The following DOCK3 variants were observed in gnomAD, a reference collection of about 807,000 sequenced individuals.
DOCK3 encodes the protein dedicator of cytokinesis 3.
A neutral mutation model predicts 265.6 loss-of-function variants in DOCK3; 60 were observed. That is an observed-to-expected ratio of 0.23 (90% CI 0.18 to 0.28). The LOEUF (loss-of-function observed/expected upper bound fraction) is 0.28, where lower values mean the gene tolerates loss of function less well. Ranked by LOEUF, DOCK3 falls within the 10% of genes least tolerant of loss-of-function variation. The pLI, the probability that DOCK3 is intolerant of heterozygous loss-of-function variation, is 1.00. For missense variants in DOCK3, 1,981 were observed against 2,594.3 expected, an observed-to-expected ratio of 0.76 and a Z score of 5.14; for synonymous variants, 881 against 938.0, an observed-to-expected ratio of 0.94 and a Z score of 1.11.
At chr3:51,153,768 C>T in intron 10 of DOCK3, among the ~76,000 whole-genome samples, 1 of 152,228 alleles carries the variant, frequency 6.6e-6, no homozygotes, top group East Asian at 1.9e-4. Context: ...TACCAAACCT[C>T]ACAATCCCAC....
intron 1 of DOCK3, among the ~76,000 whole-genome samples, chr3:50,739,514 G>A (rs894160934): frequency 2.0e-5 from 3 of 152,038 alleles, no homozygotes; most frequent in African/African-American, 7.2e-5. Context: ...ATTTGCCTTT[G>A]TTTATGACCT....
intron 3 of DOCK3, among the ~76,000 whole-genome samples, chr3:50,858,758 G>A (rs1315420187): frequency 6.6e-6 from 1 of 152,072 alleles, no homozygotes; most frequent in Non-Finnish European, 1.5e-5. Context: ...CAGGTCGTTT[G>A]CTTTCTCCCC....
chr3:50,884,070 C>T (rs1396811900), intron 3 of DOCK3, among the ~76,000 whole-genome samples: 5 of 151,552 alleles, frequency 3.3e-5, no homozygotes, highest in Non-Finnish European at 2.9e-5. Context: ...AATAAGATTT[C>T]ACTGCAAGTA....
rs137884139 is a variant in DOCK3, at chr3:51,221,384, C to G, written c.1253-4265C>G. Among the ~76,000 whole-genome samples the G allele has an allele frequency of 1.6e-3, 248 of 152,306 alleles. 1 individual carries two copies. Among genetic ancestry groups the G allele is most frequent in the Admixed American group, 6.5e-3 (100 of 15,298 alleles). On this transcript the variant is annotated intron_variant, in intron 14 of 52. Coordinates refer to ENST00000266037, the MANE Select transcript of DOCK3 (RefSeq NM_004947.5). ...GTAAACTATAGCCTATGGGCCAAATCCAGCCAACAGCCTATTTTTGTACTT... is the reference window on the plus strand; with the variant it reads ...GTAAACTATAGCCTATGGGCCAAATGCAGCCAACAGCCTATTTTTGTACTT...
At chr3:51,267,117 G>T (rs531179094) in intron 23 of DOCK3, among the ~76,000 whole-genome samples, 1 of 152,172 alleles carries the variant, frequency 6.6e-6, no homozygotes, top group Non-Finnish European at 1.5e-5. Flanking sequence ...ACCACAATGA[G>T]ATACCATCTC....
rs192053058 is a variant in DOCK3 at position 50,960,459 on chromosome 3, C to T, written c.315+26382C>T. 8.6e-3 allele frequency among the ~76,000 whole-genome samples: 1,312 copies of T among 152,118 alleles called. 7 individuals carry two copies. The highest frequency in any genetic ancestry group is 0.014 in the Non-Finnish European group (961 of 67,952). ...TTTTCTAATGGCTGATGATTTTCAG[C>T]ATCTTGTCAGTAGTTTATTGGCCAT... On this transcript the variant is annotated intron_variant, in intron 5 of 52. Transcript: ENST00000266037.
chr3:50,820,030 G>T (rs547342489), intron 2 of DOCK3, among the ~76,000 whole-genome samples: 1 of 152,168 alleles, frequency 6.6e-6, no homozygotes, highest in East Asian at 1.9e-4. Context: ...TGTCTGAAAG[G>T]GGGAGAAAGC....
rs367563039 is a variant in DOCK3 at position 50,783,327 on chromosome 3, G to A, written c.121+4569G>A. 1.1e-3 allele frequency among the ~76,000 whole-genome samples: 163 copies of A among 151,964 alleles called. 1 individual carries two copies. Among genetic ancestry groups the A allele is most frequent in the East Asian group, 7.9e-3 (41 of 5,170 alleles). ...AAAGTGTTCTCTTTTCACCACATCC[G>A]TGCCAATATCTTTTTTTTTTATTTT... On this transcript the variant is annotated intron_variant, in intron 2 of 52. Transcript: ENST00000266037.
At chr3:50,796,526 C>T (rs754972095) in intron 2 of DOCK3, among the ~76,000 whole-genome samples, 21 of 151,768 alleles carry the variant, frequency 1.4e-4, no homozygotes, top group Non-Finnish European at 1.8e-4. Flanking sequence ...TTAGTAGAGA[C>T]GGTGTTTCTC....
chr3:51,029,120 G>C (rs1027593136), intron 5 of DOCK3, among the ~76,000 whole-genome samples: 2 of 152,010 alleles, frequency 1.3e-5, no homozygotes, highest in African/African-American at 4.8e-5. Flanking sequence ...TGACTGTGCT[G>C]TATGTTGTAT....
At chr3:51,163,744 T>G (rs1000733258) in intron 12 of DOCK3, among the ~76,000 whole-genome samples, 1 of 152,168 alleles carries the variant, frequency 6.6e-6, no homozygotes. Flanking sequence ...TAGGCCAACC[T>G]TAATGAAACA....
At chr3:50,731,131 C>CA (rs58878539) in intron 1 of DOCK3, among the ~76,000 whole-genome samples, 12,467 of 99,364 alleles carry the variant, frequency 0.13, 1,049 homozygotes, top group East Asian at 0.4. Flanking sequence ...GACTCTGTCT[C>CA]AAAAAAAAAA....
intron 1 of DOCK3, among the ~76,000 whole-genome samples, chr3:50,721,397 A>T (rs2037465828): frequency 6.6e-6 from 1 of 152,170 alleles, no homozygotes. Context: ...AGTTTCAGTC[A>T]TCTGCATATG....
At chr3:51,250,269 T>A (rs1010805558) in intron 22 of DOCK3, among the ~76,000 whole-genome samples, 22 of 136,164 alleles carry the variant, frequency 1.6e-4, no homozygotes, top group Admixed American at 2.2e-4. Flanking sequence ...GAATGATCAA[T>A]AAAAAAAAAA....
intron 1 of DOCK3, among the ~76,000 whole-genome samples, chr3:50,726,855 A>C (rs1030767414): frequency 6.6e-6 from 1 of 152,218 alleles, no homozygotes; most frequent in Non-Finnish European, 1.5e-5. Flanking sequence ...AACAAAAAAA[A>C]TTGTGAGACT....
chr3:50,917,678 G>C (rs931242166), intron 4 of DOCK3, among the ~76,000 whole-genome samples: 1 of 151,610 alleles, frequency 6.6e-6, no homozygotes, highest in Non-Finnish European at 1.5e-5. Context: ...TCTTAATATT[G>C]TTTGTTTTCT....
rs554147758 is a variant in DOCK3, at chr3:51,095,803, T to G, written c.746+5419T>G. Among the ~76,000 whole-genome samples, 202 of 129,454 alleles carry G rather than the reference T, an allele frequency of 1.6e-3. 1 individual carries two copies. Among genetic ancestry groups the G allele is most frequent in the Non-Finnish European group, 2.5e-3 (162 of 64,052 alleles). The allele number at this position is 129,454 out of a possible 152,430, so 84.9% of individuals were successfully genotyped here. ...CTCATTAAACTAACACCCTTCATTC[T>G]CTCATTCTTTTCAAATGTCAATCCT... On this transcript the variant is annotated intron_variant, in intron 9 of 52. Coordinates refer to ENST00000266037, the MANE Select transcript of DOCK3 (RefSeq NM_004947.5).
chr3:51,129,937 T>A (rs1417016823), intron 9 of DOCK3, among the ~76,000 whole-genome samples: 3 of 152,204 alleles, frequency 2.0e-5, no homozygotes, highest in African/African-American at 4.8e-5. Context: ...TTGATAAATG[T>A]GCCGGAGTAA....
At chr3:51,138,503 A>C (rs2084908723) in intron 9 of DOCK3, among the ~76,000 whole-genome samples, 1 of 152,206 alleles carries the variant, frequency 6.6e-6, no homozygotes, top group Non-Finnish European at 1.5e-5. Context: ...GTGAGAACTA[A>C]ACTTAAGGGC....
Sources: allele counts gnomAD v4.1 joint callset (sites outside exome capture counted in the v4.1 genomes callset), GRCh38; gene constraint gnomAD v4.1.1; transcripts MANE v1.5; gene names NCBI Gene and HGNC (gene_info 2026-07-23, HGNC 2026-07-21).